The following DST variants were observed in gnomAD, a reference collection of about 807,000 sequenced individuals.
The protein encoded by DST is bullous pemphigoid antigen.
A neutral mutation model predicts 875.2 loss-of-function variants in DST; 253 were observed. The observed-to-expected ratio is 0.29, with a 90% CI of 0.26 to 0.32. DST has a LOEUF of 0.32. Among genes scored for constraint, DST ranks in the 10% least tolerant of loss-of-function variants. The pLI is 1.00. For synonymous variants in DST, 3,124 were observed against 3,197.1 expected (o/e 0.98, Z 0.77); for missense variants, 8,287 against 9,111.6 (o/e 0.91, Z 3.68).
intron 9 of DST, among the ~76,000 whole-genome samples, chr6:56,687,131 C>G (rs1244109517): frequency 6.6e-6 from 1 of 152,146 alleles, no homozygotes. Context: ...AAATGATAGT[C>G]AAATGTTCTT....
At position 56,594,175 on chromosome 6, in the gene DST, T is replaced by C; in HGVS notation, c.12214A>G (p.Ile4072Val). The C allele has an allele frequency of 6.5e-7, 1 of 1,533,274 alleles. No individual in the cohort carries two copies. The highest frequency in any genetic ancestry group is 1.4e-5 in the African/African-American group (1 of 72,236). 95.0% of individuals were successfully genotyped at this position (1,533,274 alleles called of 1,614,324 possible). A position where few individuals can be genotyped will look rare whatever the true frequency, so the allele number is the denominator to read the frequency against. The change falls in exon 48 of 104, where the codon ATC becomes GTC. Residue 4072 changes from isoleucine (I) to valine (V), a missense_variant. Transcript: ENST00000680361. The stretch of plus-strand genomic sequence containing the variant: ...ATGATCACTGCTTGGTGCTGAGAGA[T>C]GATCTTCTCGTGTTGGGCCTATGTG... Reference protein sequence around the residue: ...QKVKAQHEKIISQHQAVIIAT... With the variant: ...QKVKAQHEKIVSQHQAVIIAT...
chr6:56,662,103 A>G (rs568726498), intron 10 of DST, among the ~76,000 whole-genome samples: 15 of 152,336 alleles, frequency 9.8e-5, no homozygotes, highest in Non-Finnish European at 2.2e-4. Context: ...AAGAATAGAA[A>G]AAAAAGAGTG....
intron 49 of DST, among the ~76,000 whole-genome samples, 178 bp downstream of exon 49, chr6:56,592,003 AT>A (rs1289233445): frequency 1.3e-5 from 2 of 150,864 alleles, no homozygotes; most frequent in African/African-American, 4.9e-5. Context: ...AAAAAAAAAA[AT>A]TCGGAAAAAA....
rs1195341324 is a variant in DST at position 56,606,409 on chromosome 6, G to A, written c.8219C>T (p.Ser2740Leu). Residue 2740 changes from serine (S) to leucine (L), a missense_variant, in exon 40 of 104, where the codon TCA becomes TTA. Ser to Leu is a moderately radical substitution (Grantham distance 145). This residue lies in a region of DST where 3,138 missense variants were observed against 3,116.6 expected (regional missense o/e 1.01). Transcript: ENST00000680361. ...TCCTACAATATCATAATCAGTCAAT[G>A]AGTCAGATTCATCACCTTCAAGGAT... ...TNILEGDESDSLTDYDIVGGK... is the reference protein window; with the variant it reads ...TNILEGDESDLLTDYDIVGGK... The A allele has an allele frequency of 1.9e-6, 3 of 1,613,348 alleles. No homozygotes were observed. The highest frequency in any genetic ancestry group is 2.5e-6 in the Non-Finnish European group (3 of 1,179,574).
intron 72 of DST, 95 bp from the exon 73 acceptor site, chr6:56,511,495 C>CA (rs1291212904): frequency 8.2e-6 from 8 of 971,138 alleles, no homozygotes; most frequent in Middle Eastern, 3.2e-4. Flanking sequence ...CAAGAAACTC[C>CA]AAACAAACCC....
chr6:56,909,180 T>C (rs568787233), intron 2 of DST, among the ~76,000 whole-genome samples: 4 of 152,340 alleles, frequency 2.6e-5, no homozygotes, highest in African/African-American at 9.6e-5. Flanking sequence ...TATGCTGCTG[T>C]CAAAAATATT....
chr6:56,735,958 A>G (rs774514284), intron 4 of DST, among the ~76,000 whole-genome samples: 4 of 152,096 alleles, frequency 2.6e-5, no homozygotes, highest in Non-Finnish European at 5.9e-5. Flanking sequence ...TCCTGGGCTC[A>G]AGCAATTCTC....
rs778761769 is a variant in DST, at chr6:56,640,121, GGTAAA to G, written c.2490+17_2490+21del. Reference sequence around the variant, plus strand: ...ATAACAATAAAGACTGAAACACTCAGGTAAAGTAAACATTTTTTTACCTGCATCTC... The same window carrying G: ...ATAACAATAAAGACTGAAACACTCAGGTAAACATTTTTTTACCTGCATCTC... On this transcript the variant is annotated intron_variant, in intron 18 of 103. Transcript: ENST00000680361. 94 of 1,613,014 alleles carry G rather than the reference GGTAAA, an allele frequency of 5.8e-5. No homozygotes were observed. Among genetic ancestry groups the G allele is most frequent in the Non-Finnish European group, 7.7e-5 (91 of 1,179,268 alleles).
In DST at chr6:56,778,905, G is replaced by A. The variant is rs138055604; in HGVS notation, c.626-43616C>T. On this transcript the variant is annotated intron_variant, in intron 4 of 103. Transcript: ENST00000680361. ...ATCCTTTGGGTATATACCCAGTAAT[G>A]GGATGACTGGGTCAAATGGTATTTC... Among the ~76,000 whole-genome samples, 536 of 152,074 alleles carry A rather than the reference G, an allele frequency of 3.5e-3. 11 individuals carry two copies. Among genetic ancestry groups the A allele is most frequent in the African/African-American group, 0.012 (514 of 41,384 alleles).
intron 3 of DST, among the ~76,000 whole-genome samples, chr6:56,880,338 T>C (rs1034588873): frequency 1.3e-5 from 2 of 152,204 alleles, no homozygotes; most frequent in African/African-American, 2.4e-5. Context: ...GAATAAGAGA[T>C]AGAACTACAA....
intron 49 of DST, among the ~76,000 whole-genome samples, chr6:56,588,301 C>G (rs1169941103): frequency 6.6e-6 from 1 of 152,158 alleles, no homozygotes; most frequent in Non-Finnish European, 1.5e-5. Flanking sequence ...TTTATTCATG[C>G]TGGACCCAAT....
chr6:56,535,095 C>G (rs184336205), intron 63 of DST, 27 bp downstream of exon 63: 61 of 1,605,832 alleles, frequency 3.8e-5, no homozygotes. Context: ...TAATATGAAA[C>G]GCAATACAAA....
chr6:56,704,217 T>C, intron 6 of DST, 63 bp downstream of exon 6: 1 of 816,700 alleles, frequency 1.2e-6, no homozygotes, highest in South Asian at 1.8e-5. Context: ...ACTGAAAACA[T>C]ACTGGTCCTA....
chr6:56,626,959 C>CAAAAGTGATAAGAATACA (rs2098740224), intron 34 of DST, among the ~76,000 whole-genome samples: 4 of 152,098 alleles, frequency 2.6e-5, no homozygotes, highest in Non-Finnish European at 1.5e-5. Flanking sequence ...AAGAAACCAA[C>CAAAAGTGATAAGAATACA]TACAGAGCTA....
At chr6:56,558,699 C>T (rs746633461) in intron 58 of DST, among the ~76,000 whole-genome samples, 13 of 152,258 alleles carry the variant, frequency 8.5e-5, no homozygotes, top group Non-Finnish European at 1.0e-4. Flanking sequence ...GTTACCTAGA[C>T]GATAAAATCT....
At position 56,611,364 on chromosome 6, in the gene DST, T is replaced by TA. The variant is rs2098542962; in HGVS notation, c.5147+143dup. Reference sequence around the variant, plus strand: ...ATTGACAATTAAATTACTAAGTTGATACTCTTTACATTACTATATTAATTG... The same window carrying TA: ...ATTGACAATTAAATTACTAAGTTGATAACTCTTTACATTACTATATTAATTG... On this transcript the variant is annotated intron_variant, in intron 38 of 103. Coordinates refer to ENST00000680361, the MANE Select transcript of DST (RefSeq NM_001374736.1). 3 of 620,132 alleles carry TA rather than the reference T, an allele frequency of 4.8e-6. No homozygotes were observed. The Admixed American group carries it at 1.0e-4, about 21-fold the overall frequency. The allele number at this position is 620,132 out of a possible 1,614,324, so 38.4% of individuals were successfully genotyped here.
At chr6:56,472,933 A>G (rs1184293952) in intron 93 of DST, among the ~76,000 whole-genome samples, 1 of 152,218 alleles carries the variant, frequency 6.6e-6, no homozygotes, top group African/African-American at 2.4e-5. Context: ...CGGCCTAGAA[A>G]CATTACTAGC....
chr6:56,847,627 C>T (rs1294351093), intron 4 of DST, among the ~76,000 whole-genome samples: 1 of 152,186 alleles, frequency 6.6e-6, no homozygotes, highest in Non-Finnish European at 1.5e-5. Context: ...GTGGGCTTCC[C>T]TTTCACCCTA....
chr6:56,697,363 T>A (rs2099269591), intron 9 of DST, among the ~76,000 whole-genome samples: 1 of 152,202 alleles, frequency 6.6e-6, no homozygotes, highest in Non-Finnish European at 1.5e-5. Flanking sequence ...TTTCTATCTA[T>A]TTTAATGGAT....
Sources: gnomAD v4.1 joint callset for allele counts (sites outside exome capture counted in the v4.1 genomes callset) on GRCh38, gnomAD v4.1.1 for gene constraint, gnomAD v4.1.1 regional missense constraint, MANE v1.5 for transcripts, NCBI Gene and HGNC (gene_info 2026-07-23, HGNC 2026-07-21) for gene names.